GNG5: variants seen among roughly 807,000 people sequenced by gnomAD.
GNG5 encodes G protein subunit gamma 5.
Under a neutral mutation model 6.2 loss-of-function variants are expected in GNG5, and 2 were observed. That is an observed-to-expected ratio of 0.32 (90% confidence interval 0.13 to 1.01). The LOEUF (loss-of-function observed/expected upper bound fraction) is 1.01. Ranked by LOEUF, GNG5 falls within the 50% of genes least tolerant of loss-of-function variation. The pLI, the probability that GNG5 is intolerant of heterozygous loss-of-function variation, is 0.48. For synonymous variants in GNG5, 24 were observed against 33.0 expected, an observed-to-expected ratio of 0.73 and a Z score of 0.93; for missense variants, 57 against 80.2, an observed-to-expected ratio of 0.71 and a Z score of 1.10.
chr1:84,500,305 C>T (rs1682030384), intron 3 of GNG5, among the ~76,000 whole-genome samples: 2 of 152,284 alleles, frequency 1.3e-5, no homozygotes, highest in South Asian at 2.1e-4. Context: ...CAAACTGCTG[C>T]AAATCTTAAT....
intron 3 of GNG5, among the ~76,000 whole-genome samples, chr1:84,500,756 CAT>C (rs777548271): frequency 5.9e-5 from 9 of 152,112 alleles, no homozygotes; most frequent in Non-Finnish European, 8.8e-5. Context: ...TTACTGGAAA[CAT>C]GTACTTATAC....
chr1:84,504,549 AT>A (rs796828827), intron 2 of GNG5, among the ~76,000 whole-genome samples: 116 of 150,826 alleles, frequency 7.7e-4, no homozygotes, highest in African/African-American at 2.1e-3. Flanking sequence ...TCCCACCCCC[AT>A]TTTTTTTTCT....
chr1:84,500,187 G>A (rs1488548656), intron 3 of GNG5, among the ~76,000 whole-genome samples: 1 of 152,176 alleles, frequency 6.6e-6, no homozygotes, highest in African/African-American at 2.4e-5. Context: ...AAGTTCTAGG[G>A]ACTCACCTCA....
chr1:84,501,660 A>G (rs1570360210), intron 3 of GNG5, among the ~76,000 whole-genome samples, 166 bp downstream of exon 3: 1 of 152,310 alleles, frequency 6.6e-6, no homozygotes, highest in African/African-American at 2.4e-5. Context: ...CATGGCTACT[A>G]AGTCAGCAAG....
At chr1:84,501,372 T>C (rs1289455846) in intron 3 of GNG5, among the ~76,000 whole-genome samples, 1 of 152,238 alleles carries the variant, frequency 6.6e-6, no homozygotes, top group Non-Finnish European at 1.5e-5. Context: ...ACAGCTGGGT[T>C]CAGTTAGAGC....
intron 2 of GNG5, 87 bp from the exon 3 acceptor site, chr1:84,502,057 C>A (rs1178765447): frequency 7.9e-5 from 64 of 815,104 alleles, no homozygotes; most frequent in East Asian, 1.8e-4. Context: ...ATTGTACTTA[C>A]AATAAAACAG....
intron 3 of GNG5, among the ~76,000 whole-genome samples, chr1:84,498,989 A>C (rs559605007): frequency 6.6e-6 from 1 of 152,344 alleles, no homozygotes; most frequent in African/African-American, 2.4e-5. Flanking sequence ...CAAAGAACTG[A>C]AACAGCCTAA....
At chr1:84,498,852 A>T (rs1048669823) in intron 3 of GNG5, among the ~76,000 whole-genome samples, 5 of 152,208 alleles carry the variant, frequency 3.3e-5, no homozygotes, top group African/African-American at 7.2e-5. Flanking sequence ...GAGCAAGACT[A>T]TATTTAGCAG....
intron 2 of GNG5, 81 bp downstream of exon 2, chr1:84,505,930 G>T: frequency 1.0e-6 from 1 of 987,868 alleles, no homozygotes; most frequent in Non-Finnish European, 1.4e-6. Flanking sequence ...CGCGTGTCCC[G>T]CCCGCCCCCG....
chr1:84,501,720 A>T (rs1372769513), intron 3 of GNG5, 106 bp downstream of exon 3: 2 of 665,736 alleles, frequency 3.0e-6, no homozygotes, highest in Non-Finnish European at 5.2e-6. Flanking sequence ...CTGGAAATGG[A>T]GGGCCAAAGG....
intron 2 of GNG5, among the ~76,000 whole-genome samples, chr1:84,505,720 G>T (rs1305911654): frequency 1.3e-5 from 2 of 152,234 alleles, no homozygotes; most frequent in Non-Finnish European, 2.9e-5. Context: ...TGCCAAGGGA[G>T]GTAGAGACGG....
At chr1:84,502,186 G>C (rs1682073587) in intron 2 of GNG5, among the ~76,000 whole-genome samples, 1 of 145,490 alleles carries the variant, frequency 6.9e-6, no homozygotes, top group Non-Finnish European at 1.5e-5. Flanking sequence ...TGCCAGGCTG[G>C]AGTACAGTGG....
intron 3 of GNG5, among the ~76,000 whole-genome samples, chr1:84,501,282 C>T (rs566092403): frequency 6.6e-6 from 1 of 152,262 alleles, no homozygotes; most frequent in South Asian, 2.1e-4. Context: ...TCAGTCCAAA[C>T]GCCTCTACCA....
At chr1:84,502,839 T>C (rs751852826) in intron 2 of GNG5, among the ~76,000 whole-genome samples, 2 of 152,200 alleles carry the variant, frequency 1.3e-5, no homozygotes, top group African/African-American at 2.4e-5. Context: ...GCATTTAAAC[T>C]AAAACAAATT....
At position 84,506,262 on chromosome 1, in the gene GNG5, G is replaced by T. The variant is rs539745323; in HGVS notation, c.-171C>A. 1.8e-3 allele frequency: 866 copies of T among 482,950 alleles called. 6 individuals are homozygous for T. The highest frequency in any genetic ancestry group is 4.1e-3 in the South Asian group (115 of 28,296). The allele number at this position is 482,950 out of a possible 1,614,324, so 29.9% of individuals were successfully genotyped here. A position where few individuals can be genotyped will look rare whatever the true frequency, so the allele number is the denominator to read the frequency against. On this transcript the variant is annotated 5_prime_UTR_variant, in exon 2 of 4. The change creates a new upstream start codon in the 5' untranslated region. Transcript: ENST00000370645. The stretch of plus-strand genomic sequence containing the variant: ...CTCGGTGCGCATGCGCGCCTTGCCA[G>T]CCCTCTGTTCCAGCTCCACACCCGG...
At chr1:84,501,709 A>G in intron 3 of GNG5, 117 bp downstream of exon 3, 2 of 638,058 alleles carry the variant, frequency 3.1e-6, no homozygotes, top group East Asian at 5.4e-5. Flanking sequence ...ACAGAAAAAT[A>G]CTGGAAATGG....
At chr1:84,505,401 G>A (rs1682161120) in intron 2 of GNG5, among the ~76,000 whole-genome samples, 1 of 152,204 alleles carries the variant, frequency 6.6e-6, no homozygotes, top group Non-Finnish European at 1.5e-5. Flanking sequence ...CTTTGTTCGA[G>A]GTTGTACGGG....
chr1:84,505,116 A>G (rs1245139752), intron 2 of GNG5, among the ~76,000 whole-genome samples: 2 of 152,218 alleles, frequency 1.3e-5, no homozygotes, highest in African/African-American at 4.8e-5. Context: ...GAAGTGTTTC[A>G]CATGTAGCCT....
chr1:84,503,209 A>T (rs1442450377), intron 2 of GNG5, among the ~76,000 whole-genome samples: 1 of 152,248 alleles, frequency 6.6e-6, no homozygotes, highest in African/African-American at 2.4e-5. Flanking sequence ...ACTGAGATTT[A>T]AAAAGTGGGA....
Sources: gnomAD v4.1 joint callset for allele counts (sites outside exome capture counted in the v4.1 genomes callset) on GRCh38, gnomAD v4.1.1 for gene constraint, MANE v1.5 for transcripts, NCBI Gene and HGNC (gene_info 2026-07-23, HGNC 2026-07-21) for gene names.